PAIP2B: variants seen among roughly 807,000 people sequenced by gnomAD.
PAIP2B encodes poly(A) binding protein interacting protein 2B.
In PAIP2B, 13 loss-of-function variants were observed where a neutral mutation model predicts 17.0. The observed-to-expected ratio is 0.76, with a 90% CI of 0.50 to 1.22. PAIP2B has a LOEUF of 1.22. PAIP2B is among the 50% of genes most tolerant of loss of function. PAIP2B has a pLI of 0.00. For synonymous variants in PAIP2B, 43 were observed against 48.7 expected, an observed-to-expected ratio of 0.88 and a Z score of 0.48; for missense variants, 117 against 144.5, an observed-to-expected ratio of 0.81 and a Z score of 0.98.
chr2:71,194,559 T>C (rs1442980022), intron 2 of PAIP2B, among the ~76,000 whole-genome samples: 3 of 152,010 alleles, frequency 2.0e-5, no homozygotes, highest in Non-Finnish European at 2.9e-5. Context: ...TGTATAGGAA[T>C]GCTAGTGATT....
chr2:71,202,665 C>T, intron 1 of PAIP2B, 65 bp from the exon 2 acceptor site: 2 of 1,350,454 alleles, frequency 1.5e-6, no homozygotes, highest in East Asian at 2.3e-5. Context: ...AGACCTAAAA[C>T]ATGCAGATTC....
intron 2 of PAIP2B, 39 bp downstream of exon 2, chr2:71,202,413 T>C: frequency 6.2e-7 from 1 of 1,604,958 alleles, no homozygotes; most frequent in South Asian, 1.1e-5. Flanking sequence ...TTGAGTTACA[T>C]GTATCATCAA....
At position 71,213,407 on chromosome 2, in the gene PAIP2B, C is replaced by T. The variant is rs573802788; in HGVS notation, c.-11-10807G>A. ...AGGGTGCCATTTTGGGTTGGAAAAG[C>T]TCTTTGAAAGTTAATCTGGGGGAGA... On this transcript the variant is annotated intron_variant, in intron 1 of 3. Coordinates refer to ENST00000244221, the MANE Select transcript of PAIP2B (RefSeq NM_020459.1). Among the ~76,000 whole-genome samples the T allele has an allele frequency of 2.4e-4, 36 of 152,230 alleles. 1 individual carries two copies. The South Asian group carries it at 7.5e-3, about 32-fold the overall frequency.
chr2:71,226,116 C>CA (rs1675716669), intron 1 of PAIP2B, among the ~76,000 whole-genome samples: 1 of 152,154 alleles, frequency 6.6e-6, no homozygotes, highest in Non-Finnish European at 1.5e-5. Context: ...AAAAGAACTG[C>CA]ATTAGGACAA....
At chr2:71,194,072 T>C (rs766795361) in intron 2 of PAIP2B, among the ~76,000 whole-genome samples, 10 of 152,162 alleles carry the variant, frequency 6.6e-5, no homozygotes, top group Non-Finnish European at 5.9e-5. Context: ...GTTCCACTGG[T>C]TTATGTGCCT....
In PAIP2B at chr2:71,202,557, C is replaced by T. The variant is rs13001756; in HGVS notation, c.33G>A (p.Pro11=). The T allele has an allele frequency of 2.4e-5, 39 of 1,613,382 alleles. No homozygotes were observed. The African/African-American group carries it at 3.5e-4, about 14-fold the overall frequency. MNGSNMANTS[P]SVKSKEDQGL... Reference sequence around the variant, plus strand: ...CCTGGTCCTCTTTGGATTTTACACTCGGTGATGTATTTGCCATATTGGATC... The same window carrying T: ...CCTGGTCCTCTTTGGATTTTACACTTGGTGATGTATTTGCCATATTGGATC... The change falls in exon 2 of 4, where the codon CCG becomes CCA. Residue 11 remains proline, a synonymous_variant. Coordinates refer to ENST00000244221, the MANE Select transcript of PAIP2B (RefSeq NM_020459.1).
At chr2:71,198,028 G>A (rs11692943) in intron 2 of PAIP2B, among the ~76,000 whole-genome samples, 10,136 of 152,292 alleles carry the variant, frequency 0.067, 375 homozygotes, top group African/African-American at 0.092. Context: ...AGGGATGCCA[G>A]TGATACATAG....
In PAIP2B at chr2:71,219,208, G is replaced by A. The variant is rs371177877; in HGVS notation, c.-12+7720C>T. Among the ~76,000 whole-genome samples the A allele has an allele frequency of 1.1e-4, 16 of 151,776 alleles. No individual in the cohort carries two copies. The East Asian group carries it at 2.5e-3, about 24-fold the overall frequency. On this transcript the variant is annotated intron_variant, in intron 1 of 3. Transcript: ENST00000244221. ...GCCTCCCAAAGTGCTGGGATTACAG[G>A]CGTGAGCCACCGCGCCCAGCCTAAG...
At position 71,184,786 on chromosome 2, in the gene PAIP2B, A is replaced by T. The variant is rs1224500339; in HGVS notation, c.*3693T>A. On this transcript the variant is annotated 3_prime_UTR_variant, in exon 4 of 4. Coordinates refer to ENST00000244221, the MANE Select transcript of PAIP2B (RefSeq NM_020459.1). ...CTCCTGTTCTCCCCACCCACTTCGCAAACTAATGACGTCCGCGTTATCCCA... is the reference window on the plus strand; with the variant it reads ...CTCCTGTTCTCCCCACCCACTTCGCTAACTAATGACGTCCGCGTTATCCCA... 3 of 152,158 alleles carry T rather than the reference A, an allele frequency of 2.0e-5. No individual in the cohort carries two copies. Among genetic ancestry groups the T allele is most frequent in the Non-Finnish European group, 4.4e-5 (3 of 68,038 alleles). 9.4% of individuals were successfully genotyped at this position (152,158 alleles called of 1,614,324 possible).
intron 3 of PAIP2B, among the ~76,000 whole-genome samples, chr2:71,189,482 G>C (rs755425269): frequency 1.6e-4 from 24 of 152,166 alleles, no homozygotes; most frequent in Non-Finnish European, 3.1e-4. Flanking sequence ...AGATTTGAGG[G>C]ACAGTAAAAG....
rs771020810 is a variant in PAIP2B, at chr2:71,188,514, C to T, written c.337G>A (p.Asp113Asn). The T allele has an allele frequency of 6.2e-7, 1 of 1,610,254 alleles. No individual in the cohort carries two copies. Residue 113 changes from aspartate to asparagine, a missense_variant, in exon 4 of 4, where the codon GAT becomes AAT. Physicochemically the swap from Asp to Asn is conservative, Grantham distance 23. Transcript: ENST00000244221. ...DILSKSNLNP[D>N]AKEFIPGEKY ...TCTCCTGGAATAAACTCCTTGGCATCTGGGTTCAGGTTACTTTTGCTCTGA... is the reference window on the plus strand; with the variant it reads ...TCTCCTGGAATAAACTCCTTGGCATTTGGGTTCAGGTTACTTTTGCTCTGA...
intron 1 of PAIP2B, among the ~76,000 whole-genome samples, chr2:71,209,512 C>T (rs569916950): frequency 1.4e-3 from 206 of 152,212 alleles, no homozygotes; most frequent in African/African-American, 4.9e-3. Context: ...ATGGTGAACA[C>T]GAAATCAGAG....
At chr2:71,200,854 G>A (rs1385752255) in intron 2 of PAIP2B, among the ~76,000 whole-genome samples, 1 of 152,142 alleles carries the variant, frequency 6.6e-6, no homozygotes, top group Non-Finnish European at 1.5e-5. Context: ...GCAAACAATT[G>A]TTTATCTGCT....
chr2:71,188,897 G>A lies in PAIP2B; in HGVS notation c.316-362C>T, dbSNP rs182897737. ...AATCTCTATTTTTCTTCATCTTTCT[G>A]TACTCTCTTTGGTTCTCTACTCTCT... On this transcript the variant is annotated intron_variant, in intron 3 of 3. Transcript: ENST00000244221. Among the ~76,000 whole-genome samples the A allele has an allele frequency of 8.8e-3, 1,332 of 151,578 alleles. 11 individuals carry two copies. Among genetic ancestry groups the A allele is most frequent in the Admixed American group, 0.015 (236 of 15,226 alleles).
rs1191749664 is a variant in PAIP2B at position 71,184,641 on chromosome 2, T to C, written c.*3838A>G. ...GAGCAGAGGCTGCAGAGGTGCTCTG[T>C]CTACCGGGAGAACTAATGATCCCTG... On this transcript the variant is annotated 3_prime_UTR_variant, in exon 4 of 4. Transcript: ENST00000244221. 6.6e-6 allele frequency: 1 copy of C among 152,186 alleles called. No homozygotes were observed. The highest frequency in any genetic ancestry group is 1.5e-5 in the Non-Finnish European group (1 of 68,028). 9.4% of individuals were successfully genotyped at this position (152,186 alleles called of 1,614,324 possible).
intron 1 of PAIP2B, among the ~76,000 whole-genome samples, chr2:71,215,709 G>T (rs1675413337): frequency 1.3e-5 from 2 of 152,216 alleles, no homozygotes; most frequent in African/African-American, 4.8e-5. Context: ...AAAAGGTGTG[G>T]CTTCCACAGT....
intron 1 of PAIP2B, among the ~76,000 whole-genome samples, chr2:71,222,119 T>A (rs985516800): frequency 6.6e-6 from 1 of 152,228 alleles, no homozygotes; most frequent in Non-Finnish European, 1.5e-5. Flanking sequence ...CTTTAAGAGC[T>A]GTAACACTCA....
intron 1 of PAIP2B, among the ~76,000 whole-genome samples, chr2:71,206,234 G>T (rs988942233): frequency 4.6e-5 from 7 of 152,134 alleles, no homozygotes; most frequent in Admixed American, 1.3e-4. Context: ...TTTGAAATAG[G>T]TCACTGCTTG....
chr2:71,224,616 G>T (rs577165402), intron 1 of PAIP2B, among the ~76,000 whole-genome samples: 1 of 152,256 alleles, frequency 6.6e-6, no homozygotes, highest in African/African-American at 2.4e-5. Flanking sequence ...AAAAAAACAG[G>T]TAGGTTCAGG....
Sources: gnomAD v4.1 joint callset for allele counts (sites outside exome capture counted in the v4.1 genomes callset) on GRCh38, gnomAD v4.1.1 for gene constraint, MANE v1.5 for transcripts, NCBI Gene and HGNC (gene_info 2026-07-23, HGNC 2026-07-21) for gene names.